ATP11B: variants seen among roughly 807,000 people sequenced by gnomAD.
ATP11B encodes phospholipid-transporting ATPase IF.
A neutral mutation model predicts 157.8 loss-of-function variants in ATP11B; 81 were observed. The observed-to-expected ratio is 0.51, with a 90% CI of 0.43 to 0.62. The LOEUF (loss-of-function observed/expected upper bound fraction) is 0.62, where lower values mean the gene tolerates loss of function less well. ATP11B is among the 20% of genes least tolerant of loss of function. The pLI, the probability that ATP11B is intolerant of heterozygous loss-of-function variation, is 0.00. For synonymous variants in ATP11B, 451 were observed against 469.4 expected, an observed-to-expected ratio of 0.96 and a Z score of 0.51; for missense variants, 1,165 against 1,402.2, an observed-to-expected ratio of 0.83 and a Z score of 2.70.
chr3:182,879,598 A>C lies in ATP11B; in HGVS notation c.2355A>C (p.Arg785Ser). The C allele has an allele frequency of 6.2e-7, 1 of 1,614,156 alleles. No homozygotes were observed. The highest frequency in any genetic ancestry group is 8.5e-7 in the Non-Finnish European group (1 of 1,180,000). The change falls in exon 20 of 30, where the codon AGA (arginine) becomes AGC (serine). Residue 785 changes from arginine (R) to serine (S), a missense_variant. Physicochemically the swap from Arg to Ser is moderately radical, Grantham distance 110 (BLOSUM62 -1). Around this residue, in one of 4 missense-constraint regions of ATP11B, gnomAD observed 737 missense variants for 930.5 expected, o/e 0.79. Coordinates refer to ENST00000323116, the MANE Select transcript of ATP11B (RefSeq NM_014616.3). ...AAAAACTATTTATGGAAGTTTGCAG[A>C]AATTGTTCAGCTGTATTATGCTGTC... is the stretch of plus-strand genomic sequence containing the variant. ...EHEKLFMEVC[R>S]NCSAVLCCRM... is the part of the protein sequence containing the mutation.
At chr3:182,837,735 A>T (rs1451200696) in intron 7 of ATP11B, among the ~76,000 whole-genome samples, 4 of 152,100 alleles carry the variant, frequency 2.6e-5, no homozygotes. Flanking sequence ...GTGAACACAA[A>T]ATAAAAACTA....
chr3:182,899,181 A>C (rs1317713463), intron 28 of ATP11B, among the ~76,000 whole-genome samples: 1 of 131,170 alleles, frequency 7.6e-6, no homozygotes, highest in Admixed American at 8.5e-5. Context: ...TCCGAGACGG[A>C]GTCTTGCTCT....
rs756479266 is a variant in ATP11B, at chr3:182,836,162, T to C, written c.423+20T>C. On this transcript the variant is annotated intron_variant, in intron 5 of 29. Coordinates refer to ENST00000323116, the MANE Select transcript of ATP11B (RefSeq NM_014616.3). ...ATTCGGGTATGCATCTGGTAAATAA[T>C]GGAAATCAACTTTATCTTGATATCA... 1 of 1,599,416 alleles carries C rather than the reference T, an allele frequency of 6.3e-7. No individual in the cohort carries two copies. Among genetic ancestry groups the C allele is most frequent in the Non-Finnish European group, 8.6e-7 (1 of 1,168,730 alleles).
At chr3:182,884,493 A>G (rs951162818) in intron 21 of ATP11B, among the ~76,000 whole-genome samples, 13 of 152,000 alleles carry the variant, frequency 8.6e-5, no homozygotes, top group African/African-American at 2.9e-4. Flanking sequence ...TTAACTTTCA[A>G]TATTATTTTT....
intron 7 of ATP11B, among the ~76,000 whole-genome samples, chr3:182,839,712 G>A (rs1718853279): frequency 6.6e-6 from 1 of 152,062 alleles, no homozygotes; most frequent in Admixed American, 6.5e-5. Context: ...CCGGGTTCAA[G>A]CAATTCTCCT....
chr3:182,833,501 A>AT (rs960198698), intron 4 of ATP11B, among the ~76,000 whole-genome samples: 15 of 151,514 alleles, frequency 9.9e-5, no homozygotes, highest in African/African-American at 1.5e-4. Flanking sequence ...AATTTTTGTT[A>AT]TTTTTTTTGT....
At chr3:182,814,621 A>G (rs1354986422) in intron 1 of ATP11B, among the ~76,000 whole-genome samples, 1 of 152,064 alleles carries the variant, frequency 6.6e-6, no homozygotes, top group Non-Finnish European at 1.5e-5. Flanking sequence ...CAGCCTGGGC[A>G]ACACAGTGAG....
At chr3:182,913,403 C>CT (rs1304666312) in intron 28 of ATP11B, among the ~76,000 whole-genome samples, 1 of 152,124 alleles carries the variant, frequency 6.6e-6, no homozygotes, top group Non-Finnish European at 1.5e-5. Flanking sequence ...ATTTCCCAGT[C>CT]TTAAAGATAA....
rs1577061519 is a variant in ATP11B at position 182,875,111 on chromosome 3, T to G, written c.2252+1096T>G. ...AGGCATATCAAATTTTTGCCCTGTA[T>G]GGGGGCAAATGATGCCCCATTTAAC... On this transcript the variant is annotated intron_variant, in intron 19 of 29. Transcript: ENST00000323116. 5.9e-5 allele frequency among the ~76,000 whole-genome samples: 9 copies of G among 152,316 alleles called. No individual in the cohort carries two copies. In the East Asian group the frequency reaches 1.7e-3, roughly 29 times the overall value.
chr3:182,810,189 T>G (rs1716566778), intron 1 of ATP11B, among the ~76,000 whole-genome samples: 1 of 151,974 alleles, frequency 6.6e-6, no homozygotes, highest in Non-Finnish European at 1.5e-5. Context: ...AAAGATAGCC[T>G]GGCATCGTGG....
intron 23 of ATP11B, among the ~76,000 whole-genome samples, chr3:182,886,361 T>A (rs901037446): frequency 3.9e-5 from 6 of 152,164 alleles, no homozygotes; most frequent in Non-Finnish European, 8.8e-5. Flanking sequence ...CTCATTTTTA[T>A]TTTTGATTCG....
Position 182,887,568 on chromosome 3 carries a change from A to G in ATP11B, c.2716-18A>G. On this transcript the variant is annotated intron_variant, in intron 23 of 29. Transcript: ENST00000323116. The stretch of plus-strand genomic sequence containing the variant: ...CATAATTCAGAAACTCAACATTCCT[A>G]CCAATTTCTCTTTCTAGACATTGTA... 6.3e-7 allele frequency: 1 copy of G among 1,599,442 alleles called. No homozygotes were observed. Among genetic ancestry groups the G allele is most frequent in the Non-Finnish European group, 8.5e-7 (1 of 1,175,134 alleles).
At chr3:182,868,001 A>G (rs9872557) in intron 15 of ATP11B, among the ~76,000 whole-genome samples, 5,296 of 152,278 alleles carry the variant, frequency 0.035, 316 homozygotes, top group African/African-American at 0.12. Context: ...CTGCTCTAGA[A>G]TGATGTTAAC....
intron 28 of ATP11B, chr3:182,902,460 C>A: frequency 7.8e-7 from 1 of 1,277,130 alleles, no homozygotes; most frequent in Non-Finnish European, 1.0e-6. Flanking sequence ...GTGTGTCCAT[C>A]CCTTTTCTGT....
intron 2 of ATP11B, among the ~76,000 whole-genome samples, chr3:182,821,864 C>T (rs1212911905): frequency 6.6e-6 from 1 of 152,192 alleles, no homozygotes; most frequent in Admixed American, 6.5e-5. Flanking sequence ...CTTTGCATTG[C>T]TCCTTCCCTC....
intron 4 of ATP11B, among the ~76,000 whole-genome samples, chr3:182,834,606 T>C (rs187565607): frequency 6.6e-6 from 1 of 152,352 alleles, no homozygotes; most frequent in East Asian, 1.9e-4. Flanking sequence ...TCTATACTTG[T>C]GCCGTATCTC....
At chr3:182,861,650 A>C (rs1037665991) in intron 12 of ATP11B, among the ~76,000 whole-genome samples, 1 of 152,218 alleles carries the variant, frequency 6.6e-6, no homozygotes, top group Non-Finnish European at 1.5e-5. Flanking sequence ...AAATTTGCAC[A>C]AAGTTTTGAT....
At chr3:182,843,438 A>G (rs572751398) in intron 8 of ATP11B, 1 of 152,364 alleles carries the variant, frequency 6.6e-6, no homozygotes, top group African/African-American at 2.4e-5. Flanking sequence ...AAAATGTTTT[A>G]TATGATGTTT....
chr3:182,822,294 T>C (rs1717412169), intron 2 of ATP11B, among the ~76,000 whole-genome samples: 1 of 151,732 alleles, frequency 6.6e-6, no homozygotes, highest in African/African-American at 2.4e-5. Flanking sequence ...GAGGCCCCAG[T>C]GTGTGATATT....
Sources: gnomAD v4.1 joint callset for allele counts (sites outside exome capture counted in the v4.1 genomes callset) on GRCh38, gnomAD v4.1.1 for gene constraint, gnomAD v4.1.1 regional missense constraint, MANE v1.5 for transcripts, NCBI Gene and HGNC (gene_info 2026-07-23, HGNC 2026-07-21) for gene names.